CCNP: variants seen among roughly 807,000 people sequenced by gnomAD.
CCNP encodes the protein cyclin P, also known as cyclin-P.
Under a neutral mutation model 19.6 loss-of-function variants are expected in CCNP, and 18 were observed. The ratio of observed to expected loss-of-function variants is 0.92; its 90% CI spans 0.64 to 1.36. The LOEUF (loss-of-function observed/expected upper bound fraction) is 1.36. Among genes scored for constraint, CCNP ranks in the 40% most tolerant of loss-of-function variants. The pLI is 0.00. For synonymous variants in CCNP, 228 were observed against 194.9 expected (o/e 1.17, Z -1.41); for missense variants, 440 against 424.4 (o/e 1.04, Z -0.32).
At chr19:40,224,438 T>C (rs748606994) in intron 3 of CCNP, 50 bp downstream of exon 3, 1 of 1,580,190 alleles carries the variant, frequency 6.3e-7, no homozygotes, top group South Asian at 1.1e-5. Flanking sequence ...CTGAATCAGT[T>C]ACTCCCCAAA....
At position 40,223,060 on chromosome 19, in the gene CCNP, T is replaced by C; in HGVS notation, c.916A>G (p.Asn306Asp). The change falls in exon 5 of 5, where the codon AAT (asparagine) becomes GAT (aspartate). Residue 306 changes from asparagine (N) to aspartate (D), a missense_variant. By Grantham distance (23) the Asn-to-Asp change is conservative. Transcript: ENST00000430325. Reference sequence around the variant, plus strand: ...TAGGTGCCACCTCCTCCTCAATAATTGTCTCTCATTCTCCGAGACCGTAAA... The same window carrying C: ...TAGGTGCCACCTCCTCCTCAATAATCGTCTCTCATTCTCCGAGACCGTAAA... Reference protein sequence around the residue: ...SFLRSRRMRDNY With the variant: ...SFLRSRRMRDDY 6.6e-7 allele frequency: 1 copy of C among 1,522,688 alleles called. No homozygotes were observed. Among genetic ancestry groups the C allele is most frequent in the African/African-American group, 1.4e-5 (1 of 72,130 alleles). The allele number at this position is 1,522,688 out of a possible 1,614,324, so 94.3% of individuals were successfully genotyped here.
intron 3 of CCNP, among the ~76,000 whole-genome samples, chr19:40,224,242 A>AC (rs1332390307): frequency 2.6e-5 from 4 of 152,164 alleles, no homozygotes; most frequent in East Asian, 3.9e-4. Context: ...GGCGTGAGCC[A>AC]CCACCCCCAG....
At chr19:40,224,351 A>G in intron 3 of CCNP, 137 bp downstream of exon 3, 1 of 958,660 alleles carries the variant, frequency 1.0e-6, no homozygotes, top group Non-Finnish European at 1.6e-6. Context: ...CTTCTGTTTA[A>G]GGGACACATT....
At chr19:40,223,780 G>GCT in intron 3 of CCNP, 1 of 568,922 alleles carries the variant, frequency 1.8e-6, no homozygotes, top group South Asian at 2.5e-5. Context: ...ATTCACTTAA[G>GCT]CTCTCTGCCT....
chr19:40,224,201 G>A (rs191654179), intron 3 of CCNP, among the ~76,000 whole-genome samples: 262 of 152,124 alleles, frequency 1.7e-3, no homozygotes, highest in Middle Eastern at 3.4e-3. Flanking sequence ...GTGATCTGCC[G>A]GTTTCAGCCT....
At chr19:40,223,767 G>A in intron 3 of CCNP, 1 of 624,058 alleles carries the variant, frequency 1.6e-6, no homozygotes, top group Non-Finnish European at 2.8e-6. Flanking sequence ...TGTGACATAG[G>A]ACATTCACTT....
chr19:40,226,565 G>T lies in CCNP; in HGVS notation c.77C>A (p.Ser26Tyr). The T allele has an allele frequency of 6.3e-7, 1 of 1,578,236 alleles. No individual in the cohort carries two copies. The highest frequency in any genetic ancestry group is 8.6e-7 in the Non-Finnish European group (1 of 1,164,630). The change falls in exon 1 of 5, where the codon TCT becomes TAT. Residue 26 changes from serine to tyrosine, a missense_variant. Transcript: ENST00000430325. ...PIVRRWAPRPSPLQSLAASLD... is the reference protein window; with the variant it reads ...PIVRRWAPRPYPLQSLAASLD... ...GGAGGCAGCGAGACTCTGCAAAGGA[G>T]AGGGCCTGGGGGCCCAGCGCCTAAC...
In CCNP at chr19:40,222,995, C is replaced by G; in HGVS notation, c.*57G>C. 1 of 1,000,210 alleles carries G rather than the reference C, an allele frequency of 1.0e-6. No homozygotes were observed. Among genetic ancestry groups the G allele is most frequent in the Non-Finnish European group, 1.5e-6 (1 of 673,158 alleles). The allele number at this position is 1,000,210 out of a possible 1,614,324, so 62.0% of individuals were successfully genotyped here. A position where few individuals can be genotyped will look rare whatever the true frequency, so the allele number is the denominator to read the frequency against. On this transcript the variant is annotated 3_prime_UTR_variant, in exon 5 of 5. Coordinates refer to ENST00000430325, the MANE Select transcript of CCNP (RefSeq NM_024877.4). ...ACCCCAGATCTGGACTAATGGGGTC[C>G]TCCCACCCCATTCTCTCCCACACCC...
At chr19:40,224,898 C>G (rs1973518848) in intron 1 of CCNP, 87 bp from the exon 2 acceptor site, 10 of 1,207,676 alleles carry the variant, frequency 8.3e-6, no homozygotes, top group Non-Finnish European at 1.2e-5. Context: ...GCAGCCTCCT[C>G]CAGTCAGTTG....
chr19:40,225,258 C>T (rs1973523868), intron 1 of CCNP, among the ~76,000 whole-genome samples: 1 of 151,990 alleles, frequency 6.6e-6, no homozygotes, highest in African/African-American at 2.4e-5. Context: ...GGGGTTTCAC[C>T]ATGTTGACCA....
Position 40,223,424 on chromosome 19 carries a change from G to C in CCNP, c.636C>G (p.Leu212=), listed in dbSNP as rs748068553. ...TCCCTGCCAGCGCGGCCAGCAGCCCGAGGCACAGCAGCGGGCCGGGGTGGT... is the reference window on the plus strand; with the variant it reads ...TCCCTGCCAGCGCGGCCAGCAGCCCCAGGCACAGCAGCGGGCCGGGGTGGT... ...RLHHPGPLLC[L]GLLAALAGSS... is the part of the protein sequence containing the mutation. Residue 212 remains leucine (L), a synonymous_variant, in exon 4 of 5, where the codon CTC becomes CTG. Coordinates refer to ENST00000430325, the MANE Select transcript of CCNP (RefSeq NM_024877.4). The C allele has an allele frequency of 4.4e-6, 7 of 1,597,794 alleles. No individual in the cohort carries two copies. In the African/African-American group the frequency reaches 6.7e-5, roughly 15 times the overall value.
chr19:40,223,089 G>A lies in CCNP; in HGVS notation c.887C>T (p.Ser296Leu), dbSNP rs1192107376. 3.2e-6 allele frequency: 5 copies of A among 1,548,262 alleles called. No individual in the cohort carries two copies. In the African/African-American group the frequency reaches 5.5e-5, roughly 17 times the overall value. The change falls in exon 5 of 5, where the codon TCA becomes TTA. Residue 296 changes from serine to leucine, a missense_variant. Coordinates refer to ENST00000430325, the MANE Select transcript of CCNP (RefSeq NM_024877.4). ...HRSFRDLPSW[S>L]FLRSRRMRDN... Reference sequence around the variant, plus strand: ...TCTCATTCTCCGAGACCGTAAAAATGACCAGGAAGGTAAGTCCCTGAAGCT... The same window carrying A: ...TCTCATTCTCCGAGACCGTAAAAATAACCAGGAAGGTAAGTCCCTGAAGCT...
rs565409513 is a variant in CCNP at position 40,223,303 on chromosome 19, C to A, written c.673G>T (p.Val225Leu). Residue 225 changes from valine (V) to leucine (L), a missense_variant and splice_region_variant, in exon 5 of 5, where the codon GTG (valine) becomes TTG (leucine). Physicochemically the swap from Val to Leu is conservative, Grantham distance 32. Coordinates refer to ENST00000430325, the MANE Select transcript of CCNP (RefSeq NM_024877.4). Reference sequence around the variant, plus strand: ...AGGAAGTAGGTGGCAAGTAACATCACCTGCAAGTGAGGCGGGGCGACTGTC... The same window carrying A: ...AGGAAGTAGGTGGCAAGTAACATCAACTGCAAGTGAGGCGGGGCGACTGTC... ...LAALAGSSPQ[V>L]MLLATYFLEL... 6.6e-7 allele frequency: 1 copy of A among 1,516,734 alleles called. No individual in the cohort carries two copies. The highest frequency in any genetic ancestry group is 1.2e-5 in the South Asian group (1 of 80,360). The allele number at this position is 1,516,734 out of a possible 1,614,324, so 94.0% of individuals were successfully genotyped here. A position where few individuals can be genotyped will look rare whatever the true frequency, so the allele number is the denominator to read the frequency against.
rs762704940 is a variant in CCNP at position 40,226,588 on chromosome 19, A to G, written c.54T>C (p.Val18=). 2 of 1,578,912 alleles carry G rather than the reference A, an allele frequency of 1.3e-6. No homozygotes were observed. Among genetic ancestry groups the G allele is most frequent in the Non-Finnish European group, 1.7e-6 (2 of 1,164,378 alleles). ...GAGAGGGCCTGGGGGCCCAGCGCCTAACGATAGGCCCGAGCCGGGAGCCGG... is the reference window on the plus strand; with the variant it reads ...GAGAGGGCCTGGGGGCCCAGCGCCTGACGATAGGCCCGAGCCGGGAGCCGG... ...QGSGSRLGPI[V]RRWAPRPSPL... The change falls in exon 1 of 5, where the codon GTT becomes GTC. Residue 18 remains valine, a synonymous_variant. Transcript: ENST00000430325.
chr19:40,224,444 C>G (rs1973507183), intron 3 of CCNP, 44 bp downstream of exon 3: 2 of 1,603,346 alleles, frequency 1.2e-6, no homozygotes, highest in Admixed American at 1.7e-5. Context: ...CAGTTACTCC[C>G]CAAAGGACTC....
Position 40,222,409 on chromosome 19 carries a change from C to T in CCNP, c.*643G>A. ...ACTTGAGGAAGACTGCGGCGCGACCCGGCGCGGGACCTCGGAGCGCAGCGC... is the reference window on the plus strand; with the variant it reads ...ACTTGAGGAAGACTGCGGCGCGACCTGGCGCGGGACCTCGGAGCGCAGCGC... On this transcript the variant is annotated 3_prime_UTR_variant, in exon 5 of 5. Coordinates refer to ENST00000430325, the MANE Select transcript of CCNP (RefSeq NM_024877.4). 2.5e-6 allele frequency: 1 copy of T among 398,598 alleles called. No homozygotes were observed. The highest frequency in any genetic ancestry group is 4.4e-5 in the Admixed American group (1 of 22,722). The allele number at this position is 398,598 out of a possible 1,614,324, so 24.7% of individuals were successfully genotyped here. A position where few individuals can be genotyped will look rare whatever the true frequency, so the allele number is the denominator to read the frequency against.
Position 40,223,289 on chromosome 19 carries a change from G to A in CCNP, c.687C>T (p.Ala229=). ...GCAAAGACAGCTCCAGGAAGTAGGT[G>A]GCAAGTAACATCACCTGCAAGTGAG... is the stretch of plus-strand genomic sequence containing the variant. The part of the protein sequence containing the change: ...AGSSPQVMLL[A]TYFLELSLLE... Residue 229 remains alanine (A), a synonymous_variant, in exon 5 of 5, where the codon GCC becomes GCT. Coordinates refer to ENST00000430325, the MANE Select transcript of CCNP (RefSeq NM_024877.4). 4 of 1,526,048 alleles carry A rather than the reference G, an allele frequency of 2.6e-6. No individual in the cohort carries two copies. The highest frequency in any genetic ancestry group is 2.6e-6 in the Non-Finnish European group (3 of 1,132,864). 94.5% of individuals were successfully genotyped at this position (1,526,048 alleles called of 1,614,324 possible).
At position 40,223,113 on chromosome 19, in the gene CCNP, C is replaced by G; in HGVS notation, c.863G>C (p.Ser288Thr). The G allele has an allele frequency of 6.4e-7, 1 of 1,551,462 alleles. No homozygotes were observed. The highest frequency in any genetic ancestry group is 1.4e-5 in the African/African-American group (1 of 73,140). The part of the protein sequence containing the change: ...LGGGSVWGHR[S>T]FRDLPSWSFL... ...TGACCAGGAAGGTAAGTCCCTGAAG[C>G]TGCGGTGACCCCATACACTTCCTCC... Residue 288 changes from serine (S) to threonine (T), a missense_variant, in exon 5 of 5, where the codon AGC becomes ACC. Physicochemically the swap from Ser to Thr is moderately conservative, Grantham distance 58. Coordinates refer to ENST00000430325, the MANE Select transcript of CCNP (RefSeq NM_024877.4).
Position 40,223,395 on chromosome 19 carries a change from C to T in CCNP, c.665G>A (p.Ser222Asn). 6.4e-7 allele frequency: 1 copy of T among 1,553,452 alleles called. No homozygotes were observed. The highest frequency in any genetic ancestry group is 8.7e-7 in the Non-Finnish European group (1 of 1,150,840). The change falls in exon 4 of 5, where the codon AGC (serine) becomes AAC (asparagine). Residue 222 changes from serine to asparagine, a missense_variant. Physicochemically the swap from Ser to Asn is conservative, Grantham distance 46 (BLOSUM62 1). Coordinates refer to ENST00000430325, the MANE Select transcript of CCNP (RefSeq NM_024877.4). ...LGLLAALAGS[S>N]PQVMLLATYF... ...GTATTCACAAGGGCTCACCTGGGGGCTGCTCCCTGCCAGCGCGGCCAGCAG... is the reference window on the plus strand; with the variant it reads ...GTATTCACAAGGGCTCACCTGGGGGTTGCTCCCTGCCAGCGCGGCCAGCAG...
Sources: gnomAD v4.1 joint callset for allele counts (sites outside exome capture counted in the v4.1 genomes callset) on GRCh38, gnomAD v4.1.1 for gene constraint, MANE v1.5 for transcripts, NCBI Gene and HGNC (gene_info 2026-07-23, HGNC 2026-07-21) for gene names.